DDAH1: variants seen among roughly 807,000 people sequenced by gnomAD.
DDAH1 encodes dimethylarginine dimethylaminohydrolase 1.
Under a neutral mutation model 28.8 loss-of-function variants are expected in DDAH1, and 19 were observed. That is an observed-to-expected ratio of 0.66 (90% CI 0.46 to 0.97). The LOEUF is 0.97. Ranked by LOEUF, DDAH1 falls within the 50% of genes least tolerant of loss-of-function variation. The probability of loss-of-function intolerance (pLI) is 0.00; values close to 1 mark genes in which losing one functional copy is unlikely to be tolerated. For missense variants in DDAH1, 326 were observed against 375.9 expected, an observed-to-expected ratio of 0.87 and a Z score of 1.10; for synonymous variants, 153 against 154.4, an observed-to-expected ratio of 0.99 and a Z score of 0.07.
chr1:85,360,073 A>C (rs233098), intron 1 of DDAH1, among the ~76,000 whole-genome samples: 2,081 of 152,360 alleles, frequency 0.014, 45 homozygotes, highest in African/African-American at 0.048. Flanking sequence ...TCTTCCAAAA[A>C]TACAACATGC....
intron 1 of DDAH1, among the ~76,000 whole-genome samples, chr1:85,426,035 T>C (rs1427691396): frequency 6.6e-6 from 1 of 152,168 alleles, no homozygotes. Context: ...CAGGGATAAT[T>C]TCAGTGCCTC....
At chr1:85,468,559 G>A (rs1214423805), upstream of DDAH1, among the ~76,000 whole-genome samples, 1 of 140,558 alleles carries the variant, frequency 7.1e-6, no homozygotes, top group Non-Finnish European at 1.5e-5. Flanking sequence ...TCGCTCTGTT[G>A]CCCAGGCTGG....
At chr1:85,427,723 AAGAG>A (rs1357942181) in intron 1 of DDAH1, among the ~76,000 whole-genome samples, 1 of 152,240 alleles carries the variant, frequency 6.6e-6, no homozygotes, top group African/African-American at 2.4e-5. Context: ...GTAACAAAGA[AAGAG>A]AGAAAGAAAG....
chr1:85,490,874 G>C (rs754333063), intron 2 of DDAH1, among the ~76,000 whole-genome samples: 1 of 152,200 alleles, frequency 6.6e-6, no homozygotes, highest in Non-Finnish European at 1.5e-5. Flanking sequence ...TGTCTGCTCA[G>C]GGCTCATGGC....
chr1:85,350,239 G>A lies in DDAH1; in HGVS notation c.597+176C>T, dbSNP rs74096902. Among the ~76,000 whole-genome samples, 841 of 152,092 alleles carry A rather than the reference G, an allele frequency of 5.5e-3. 11 individuals are homozygous for A. Among genetic ancestry groups the A allele is most frequent in the African/African-American group, 0.019 (799 of 41,474 alleles). ...CAGTGAAGAGTTCTTCCTACACTTA[G>A]GTGTTCCTGGCTTCTAATGAATGTG... On this transcript the variant is annotated intron_variant, in intron 4 of 5. Coordinates refer to ENST00000284031, the MANE Select transcript of DDAH1 (RefSeq NM_012137.4).
chr1:85,424,913 G>T (rs1453692263), intron 1 of DDAH1, among the ~76,000 whole-genome samples: 1 of 151,980 alleles, frequency 6.6e-6, no homozygotes, highest in Non-Finnish European at 1.5e-5. Flanking sequence ...GAAGAGATAA[G>T]AATTAGTTAT....
chr1:85,405,377 G>A (rs938261709), intron 1 of DDAH1, among the ~76,000 whole-genome samples: 1 of 152,180 alleles, frequency 6.6e-6, no homozygotes, highest in Non-Finnish European at 1.5e-5. Flanking sequence ...AAAAAACACT[G>A]TATGTAGTTC....
intron 1 of DDAH1, among the ~76,000 whole-genome samples, chr1:85,425,455 A>G (rs1455945872): frequency 1.3e-5 from 2 of 152,130 alleles, no homozygotes; most frequent in East Asian, 3.8e-4. Flanking sequence ...TTCCTCATCT[A>G]TAAGGAATAC....
intron 1 of DDAH1, among the ~76,000 whole-genome samples, chr1:85,441,510 C>G (rs1159864973): frequency 6.7e-6 from 1 of 150,178 alleles, no homozygotes; most frequent in African/African-American, 2.5e-5. Context: ...CACTGCACTC[C>G]AGCCTGGCGA....
intron 1 of DDAH1, among the ~76,000 whole-genome samples, chr1:85,565,584 AG>A (rs1039883163): frequency 5.9e-5 from 9 of 152,336 alleles, no homozygotes; most frequent in African/African-American, 2.2e-4. Context: ...GTTGAAAAAA[AG>A]AAAATAAAAA....
chr1:85,527,093 C>G (rs1473472439), intron 1 of DDAH1, among the ~76,000 whole-genome samples: 5 of 152,168 alleles, frequency 3.3e-5, no homozygotes, highest in Non-Finnish European at 5.9e-5. Flanking sequence ...GTTTAAATGT[C>G]TCTTTCCAAA....
intron 1 of DDAH1, among the ~76,000 whole-genome samples, chr1:85,408,048 G>A (rs982021315): frequency 6.6e-6 from 1 of 152,156 alleles, no homozygotes; most frequent in African/African-American, 2.4e-5. Flanking sequence ...GGATATTCTA[G>A]TTTAAAATTG....
chr1:85,510,372 C>A (rs1216399545), intron 1 of DDAH1, among the ~76,000 whole-genome samples: 1 of 152,166 alleles, frequency 6.6e-6, no homozygotes, highest in African/African-American at 2.4e-5. Flanking sequence ...AAAGAAAGAA[C>A]CGGAACCAGC....
intron 1 of DDAH1, among the ~76,000 whole-genome samples, chr1:85,569,357 T>A (rs889998975): frequency 1.3e-5 from 2 of 152,196 alleles, no homozygotes; most frequent in East Asian, 3.9e-4. Flanking sequence ...AGCACACTTG[T>A]TAGTTCCTAT....
At chr1:85,560,465 T>G (rs1375341348) in intron 1 of DDAH1, among the ~76,000 whole-genome samples, 1 of 152,022 alleles carries the variant, frequency 6.6e-6, no homozygotes, top group African/African-American at 2.4e-5. Context: ...ATATTTACAA[T>G]GAAGTATGGC....
At chr1:85,510,548 G>C (rs1657187452) in intron 1 of DDAH1, among the ~76,000 whole-genome samples, 1 of 152,068 alleles carries the variant, frequency 6.6e-6, no homozygotes, top group Non-Finnish European at 1.5e-5. Flanking sequence ...AAAAGACACA[G>C]ACTGGCAAAC....
intron 1 of DDAH1, among the ~76,000 whole-genome samples, chr1:85,381,807 A>G (rs139923547): frequency 4.7e-4 from 71 of 152,116 alleles, no homozygotes; most frequent in African/African-American, 1.5e-3. Context: ...GTGCTTGCTT[A>G]TATCTCTGTG....
At position 85,464,016 on chromosome 1, in the gene DDAH1, T is replaced by C. The variant is rs932789412; in HGVS notation, c.303+727A>G. Among the ~76,000 whole-genome samples, 1 of 152,194 alleles carries C rather than the reference T, an allele frequency of 6.6e-6. No individual in the cohort carries two copies. The highest frequency in any genetic ancestry group is 1.5e-5 in the Non-Finnish European group (1 of 68,034). ...CTCTTAATTGCTGTGAGTTTAAAAA[T>C]ATAGAGAATAAAAATTATGGAATTT... On this transcript the variant is annotated intron_variant, in intron 1 of 5. Transcript: ENST00000284031. This position sits in a 1 kb window ranked among gnomAD's most constrained non-coding sequence, Gnocchi z 4.4.
At chr1:85,363,246 C>A (rs1649886391) in intron 1 of DDAH1, among the ~76,000 whole-genome samples, 1 of 152,188 alleles carries the variant, frequency 6.6e-6, no homozygotes, top group Non-Finnish European at 1.5e-5. Context: ...ATGCACCAAT[C>A]TGTTAGCCAA....
Sources: allele counts gnomAD v4.1 joint callset (sites outside exome capture counted in the v4.1 genomes callset), GRCh38; gene constraint gnomAD v4.1.1; non-coding constraint Gnocchi (gnomAD v3.1); transcripts MANE v1.5; gene names NCBI Gene and HGNC (gene_info 2026-07-23, HGNC 2026-07-21).